The following ELMO1 variants were observed in gnomAD, a reference collection of about 807,000 sequenced individuals.
ELMO1 encodes engulfment and cell motility 1.
In ELMO1, 26 loss-of-function variants were observed where a neutral mutation model predicts 98.9. That is an observed-to-expected ratio of 0.26 (90% CI 0.19 to 0.36). The LOEUF (loss-of-function observed/expected upper bound fraction) is 0.36, where lower values mean the gene tolerates loss of function less well. Among genes scored for constraint, ELMO1 ranks in the 10% least tolerant of loss-of-function variants. The pLI is 1.00. For missense variants in ELMO1, 627 were observed against 935.2 expected (o/e 0.67, Z 4.30); for synonymous variants, 346 against 346.0 (o/e 1.00, Z 0.00).
At position 37,204,338 on chromosome 7, in the gene ELMO1, G is replaced by A. The variant is rs1056317192; in HGVS notation, c.1086+7048C>T. ...TTCCTTCTGGTGGGTTCGTGGTCTC[G>A]CTGACTTCAAGAGTGAAGCTGCAGA... On this transcript the variant is annotated intron_variant, in intron 13 of 21. Transcript: ENST00000310758. 3.3e-5 allele frequency: 14 copies of A among 420,210 alleles called. No homozygotes were observed. The East Asian group carries it at 4.2e-4, about 13-fold the overall frequency. The allele number at this position is 420,210 out of a possible 1,614,324, so 26.0% of individuals were successfully genotyped here.
At chr7:37,300,837 G>A (rs9769061) in intron 4 of ELMO1, among the ~76,000 whole-genome samples, 78,423 of 151,244 alleles carry the variant, frequency 0.52, 20,673 homozygotes, top group East Asian at 0.7. Flanking sequence ...AGTTTCAGAA[G>A]GAATGGTACC....
chr7:37,201,095 T>C (rs1792268532), intron 13 of ELMO1, among the ~76,000 whole-genome samples: 1 of 152,164 alleles, frequency 6.6e-6, no homozygotes, highest in Admixed American at 6.5e-5. Flanking sequence ...CCTCTGAACA[T>C]ACAGCTCCAG....
At chr7:36,892,855 G>A (rs1562802367) in intron 17 of ELMO1, among the ~76,000 whole-genome samples, 2 of 152,114 alleles carry the variant, frequency 1.3e-5, no homozygotes. Context: ...GTGGGCCATG[G>A]TACTTCTTGG....
At chr7:37,316,729 T>C (rs1382975846) in intron 2 of ELMO1, among the ~76,000 whole-genome samples, 1 of 152,160 alleles carries the variant, frequency 6.6e-6, no homozygotes. Flanking sequence ...GAGTATCATG[T>C]CAACCCAAAG....
chr7:37,037,979 G>C (rs975686992), intron 15 of ELMO1, among the ~76,000 whole-genome samples: 1 of 152,054 alleles, frequency 6.6e-6, no homozygotes, highest in Non-Finnish European at 1.5e-5. Flanking sequence ...CAGGGATCAC[G>C]GTGCCAACTT....
intron 14 of ELMO1, among the ~76,000 whole-genome samples, chr7:37,117,669 A>G: frequency 6.6e-6 from 1 of 152,208 alleles, no homozygotes; most frequent in Non-Finnish European, 1.5e-5. Context: ...TAATGCCACT[A>G]TTTTTAAAAC....
At chr7:37,272,390 A>G (rs1229833790) in intron 4 of ELMO1, among the ~76,000 whole-genome samples, 1 of 152,232 alleles carries the variant, frequency 6.6e-6, no homozygotes, top group Non-Finnish European at 1.5e-5. Context: ...ATGAAGGGCC[A>G]GGCGTGGTGG....
Position 37,375,686 on chromosome 7 carries a change from G to A in ELMO1, c.-73-32923C>T, listed in dbSNP as rs17136675. 3.3e-3 allele frequency: 4,187 copies of A among 1,263,414 alleles called. 105 individuals carry two copies. The African/African-American group carries it at 0.055, about 17-fold the overall frequency. 78.3% of individuals were successfully genotyped at this position (1,263,414 alleles called of 1,614,324 possible). ...AAGGCCATGCAGTCTCTCAAGTCCC[G>A]AGGCTGTGTGAAGGAACAGTTTGCC... On this transcript the variant is annotated intron_variant, in intron 1 of 21. Transcript: ENST00000310758.
chr7:37,338,473 A>G (rs1800541008), intron 2 of ELMO1, among the ~76,000 whole-genome samples: 1 of 152,194 alleles, frequency 6.6e-6, no homozygotes, highest in Non-Finnish European at 1.5e-5. Context: ...TGGACTTCCC[A>G]GCCTCCAGAA....
intron 1 of ELMO1, among the ~76,000 whole-genome samples, chr7:37,409,023 G>A (rs1387840766): frequency 6.6e-6 from 1 of 151,726 alleles, no homozygotes; most frequent in East Asian, 1.9e-4. Context: ...GGCACCGAAA[G>A]CCTAAGTGAA....
chr7:37,447,659 TCACA>T (rs1193255093), intron 1 of ELMO1, among the ~76,000 whole-genome samples: 4 of 106,568 alleles, frequency 3.8e-5, no homozygotes, highest in South Asian at 3.1e-4. Flanking sequence ...ACACACACAC[TCACA>T]CACACACCGA....
intron 13 of ELMO1, among the ~76,000 whole-genome samples, chr7:37,175,795 C>A (rs754629541): frequency 6.6e-6 from 1 of 152,018 alleles, no homozygotes; most frequent in African/African-American, 2.4e-5. Flanking sequence ...TGCAGTGAGC[C>A]GAGATTGTAC....
At chr7:37,367,247 T>C (rs1439780114) in intron 1 of ELMO1, among the ~76,000 whole-genome samples, 3 of 152,212 alleles carry the variant, frequency 2.0e-5, no homozygotes, top group Non-Finnish European at 4.4e-5. Context: ...CCAGTAAAAT[T>C]GGCACACACA....
intron 1 of ELMO1, among the ~76,000 whole-genome samples, chr7:37,380,674 C>G (rs1363180611): frequency 6.6e-6 from 1 of 152,238 alleles, no homozygotes; most frequent in Admixed American, 6.5e-5. Flanking sequence ...AAGGAAAATA[C>G]AGAGTTAGGT....
At chr7:37,086,786 C>A (rs972633427) in intron 15 of ELMO1, among the ~76,000 whole-genome samples, 1 of 127,758 alleles carries the variant, frequency 7.8e-6, no homozygotes, top group Non-Finnish European at 1.7e-5. Context: ...AACTTTCTTG[C>A]CAAAAAAAAA....
chr7:37,000,438 A>C (rs777565781), intron 16 of ELMO1, among the ~76,000 whole-genome samples: 6 of 152,220 alleles, frequency 3.9e-5, no homozygotes, highest in Non-Finnish European at 8.8e-5. Flanking sequence ...GGACCAGAAG[A>C]GTTCTGGGGA....
intron 14 of ELMO1, among the ~76,000 whole-genome samples, chr7:37,113,263 T>C (rs1286741668): frequency 6.6e-6 from 1 of 152,216 alleles, no homozygotes; most frequent in Non-Finnish European, 1.5e-5. Context: ...TTAACAAATA[T>C]GTGCTGACTG....
At chr7:37,079,802 G>T (rs1264159706) in intron 15 of ELMO1, among the ~76,000 whole-genome samples, 2 of 152,086 alleles carry the variant, frequency 1.3e-5, no homozygotes, top group East Asian at 3.9e-4. Flanking sequence ...CTTCTCCCCA[G>T]CCTCTAAATC....
chr7:36,876,419 T>A (rs111300339), intron 19 of ELMO1, among the ~76,000 whole-genome samples: 25 of 152,190 alleles, frequency 1.6e-4, no homozygotes, highest in African/African-American at 5.8e-4. Context: ...TGGCCCAAGT[T>A]AAAAGTTAGC....
Sources: gnomAD v4.1 joint callset for allele counts (sites outside exome capture counted in the v4.1 genomes callset) on GRCh38, gnomAD v4.1.1 for gene constraint, MANE v1.5 for transcripts, NCBI Gene and HGNC (gene_info 2026-07-23, HGNC 2026-07-21) for gene names.